Variants in CEP290 observed in about 807,000 individuals in gnomAD.
CEP290 encodes centrosomal protein 290, also known as centrosomal protein of 290 kDa.
In CEP290, 317 loss-of-function variants were observed where a neutral mutation model predicts 344.9. That is an observed-to-expected ratio of 0.92 (90% CI 0.84 to 1.01). The LOEUF is 1.01. CEP290 is among the 50% of genes least tolerant of loss of function. The pLI, the probability that CEP290 is intolerant of heterozygous loss-of-function variation, is 0.00. For synonymous variants in CEP290, 932 were observed against 895.8 expected (o/e 1.04, Z -0.72); for missense variants, 2,754 against 2,761.4 (o/e 1.00, Z 0.06).
At chr12:88,118,055 A>G (rs1444101258) in intron 17 of CEP290, among the ~76,000 whole-genome samples, 1 of 151,486 alleles carries the variant, frequency 6.6e-6, no homozygotes, top group Non-Finnish European at 1.5e-5. Flanking sequence ...TAATAATAAT[A>G]ATAATAATAA....
chr12:88,062,611 CT>C, intron 46 of CEP290, 80 bp downstream of exon 46: 2 of 902,674 alleles, frequency 2.2e-6, no homozygotes, highest in Non-Finnish European at 3.6e-6. Context: ...CATATCAGTA[CT>C]TTTACAACAT....
At chr12:88,133,312 C>A (rs1388630174) in intron 6 of CEP290, among the ~76,000 whole-genome samples, 1 of 151,970 alleles carries the variant, frequency 6.6e-6, no homozygotes, top group Non-Finnish European at 1.5e-5. Flanking sequence ...GTCTTGAACT[C>A]CTGACCTCAA....
chr12:88,077,650 C>T, intron 40 of CEP290, 47 bp downstream of exon 40: 1 of 1,099,216 alleles, frequency 9.1e-7, no homozygotes, highest in Non-Finnish European at 1.3e-6. Context: ...TAAACTACTA[C>T]CTCTATATTG....
intron 43 of CEP290, among the ~76,000 whole-genome samples, chr12:88,069,944 C>T (rs2035241441): frequency 6.6e-6 from 1 of 152,090 alleles, no homozygotes; most frequent in African/African-American, 2.4e-5. Context: ...TGAAGTTTAC[C>T]TTGGAAGAAA....
chr12:88,082,954 C>A, intron 37 of CEP290, 77 bp downstream of exon 37: 2 of 813,432 alleles, frequency 2.5e-6, no homozygotes, highest in Non-Finnish European at 3.8e-6. Flanking sequence ...CAGTGCCTGG[C>A]ATAGCAAACA....
At chr12:88,056,375 G>A (rs1404758328) in intron 49 of CEP290, among the ~76,000 whole-genome samples, 1 of 152,026 alleles carries the variant, frequency 6.6e-6, no homozygotes, top group Non-Finnish European at 1.5e-5. Context: ...CCAGAGAAAT[G>A]AATAGAAAGA....
At chr12:88,071,183 GA>G in intron 43 of CEP290, 110 bp downstream of exon 43, 1 of 883,052 alleles carries the variant, frequency 1.1e-6, no homozygotes, top group Non-Finnish European at 1.7e-6. Flanking sequence ...ATTCACATGG[GA>G]AAAGAAAACA....
At chr12:88,087,656 C>T (rs1485010543) in intron 32 of CEP290, 124 bp downstream of exon 32, 3 of 316,286 alleles carry the variant, frequency 9.5e-6, no homozygotes, top group Non-Finnish European at 1.6e-5. Flanking sequence ...GGAGGCAGAG[C>T]TTGCAGTGAG....
intron 20 of CEP290, among the ~76,000 whole-genome samples, chr12:88,114,070 C>T (rs2038889461): frequency 6.6e-6 from 1 of 151,794 alleles, no homozygotes; most frequent in Non-Finnish European, 1.5e-5. Context: ...AGGATACAGC[C>T]CAAAGCCATG....
intron 47 of CEP290, 89 bp downstream of exon 47, chr12:88,060,741 T>C: frequency 1.0e-6 from 1 of 965,404 alleles, no homozygotes; most frequent in Non-Finnish European, 1.5e-6. Context: ...AAAGCCATTT[T>C]ATATAGTAAT....
At chr12:88,061,840 G>C (rs2034507393) in intron 46 of CEP290, among the ~76,000 whole-genome samples, 1 of 150,976 alleles carries the variant, frequency 6.6e-6, no homozygotes, top group African/African-American at 2.4e-5. Flanking sequence ...GTACAGTTGT[G>C]TGACCATGGC....
At chr12:88,056,102 C>A (rs2033980448) in intron 49 of CEP290, among the ~76,000 whole-genome samples, 1 of 151,958 alleles carries the variant, frequency 6.6e-6, no homozygotes, top group Non-Finnish European at 1.5e-5. Flanking sequence ...TTCTCACATA[C>A]ACAGACACAC....
intron 48 of CEP290, among the ~76,000 whole-genome samples, chr12:88,059,237 T>C (rs1255253247): frequency 2.6e-5 from 4 of 152,198 alleles, no homozygotes; most frequent in Non-Finnish European, 5.9e-5. Context: ...GTCAGAGGAA[T>C]ATATTTAGTT....
At chr12:88,085,941 A>C (rs1040762945) in intron 34 of CEP290, 98 bp downstream of exon 34, 1 of 1,100,322 alleles carries the variant, frequency 9.1e-7, no homozygotes, top group Non-Finnish European at 1.3e-6. Flanking sequence ...CAATAGATTC[A>C]TCATTCTATG....
intron 40 of CEP290, 133 bp downstream of exon 40, chr12:88,077,564 G>A (rs1210336738): frequency 1.4e-6 from 1 of 697,034 alleles, no homozygotes; most frequent in Non-Finnish European, 2.3e-6. Flanking sequence ...AGTCACAAAA[G>A]AAATTAATTA....
rs1471674218 is a variant in CEP290 at position 88,141,142 on chromosome 12, T to C, written c.102+64A>G. 4 of 1,293,070 alleles carry C rather than the reference T, an allele frequency of 3.1e-6. 1 individual carries two copies. Among genetic ancestry groups the C allele is most frequent in the Non-Finnish European group, 4.1e-6 (4 of 963,934 alleles). 80.1% of individuals were successfully genotyped at this position (1,293,070 alleles called of 1,614,324 possible). A position where few individuals can be genotyped will look rare whatever the true frequency, so the allele number is the denominator to read the frequency against. On this transcript the variant is annotated intron_variant, in intron 2 of 53. Transcript: ENST00000552810. Reference sequence around the variant, plus strand: ...GTTGTCCCTGAAAAAAATAAATTCATATTTTATTAATAAATTAATCATAAG... The same window carrying C: ...GTTGTCCCTGAAAAAAATAAATTCACATTTTATTAATAAATTAATCATAAG...
In CEP290 at chr12:88,120,220, A is replaced by T. The variant is rs1174141156; in HGVS notation, c.1416T>A (p.Ile472=). 2 of 1,513,164 alleles carry T rather than the reference A, an allele frequency of 1.3e-6. No homozygotes were observed. The highest frequency in any genetic ancestry group is 1.8e-6 in the Non-Finnish European group (2 of 1,125,034). The allele number at this position is 1,513,164 out of a possible 1,614,324, so 93.7% of individuals were successfully genotyped here. Residue 472 remains isoleucine, a synonymous_variant, in exon 15 of 54, where the codon ATT becomes ATA. Coordinates refer to ENST00000552810, the MANE Select transcript of CEP290 (RefSeq NM_025114.4). ...TTTCAATCTCTCGATCTCTTATTTT[A>T]ATTTGGTTTTTACAATTCTTTATTT... ...VVEIKNCKNQ[I]KIRDREIEIL...
At position 88,136,929 on chromosome 12, in the gene CEP290, CT is replaced by C. The variant is rs112841615; in HGVS notation, c.298-144del. Reference sequence around the variant, plus strand: ...ATTTAAAATCATATTAGCTTAAGAACTTTTTTTTTTTTAATTTAACTTACTT... The same window carrying C: ...ATTTAAAATCATATTAGCTTAAGAACTTTTTTTTTTTAATTTAACTTACTT... On this transcript the variant is annotated intron_variant, in intron 5 of 53. Transcript: ENST00000552810. 136,854 of 558,266 alleles carry C rather than the reference CT, an allele frequency of 0.25. 2,422 individuals are homozygous for C. Among genetic ancestry groups the C allele is most frequent in the South Asian group, 0.27 (9,376 of 35,266 alleles). The allele number at this position is 558,266 out of a possible 1,614,324, so 34.6% of individuals were successfully genotyped here.
At chr12:88,086,577 A>G (rs2036591966) in intron 32 of CEP290, 79 bp from the exon 33 acceptor site, 1 of 953,422 alleles carries the variant, frequency 1.0e-6, no homozygotes, top group Non-Finnish European at 1.6e-6. Context: ...ATATTTTCTT[A>G]TCTAATCCTC....
Sources: gnomAD v4.1 joint callset for allele counts (sites outside exome capture counted in the v4.1 genomes callset) on GRCh38, gnomAD v4.1.1 for gene constraint, MANE v1.5 for transcripts, NCBI Gene and HGNC (gene_info 2026-07-23, HGNC 2026-07-21) for gene names.